Variants in DHTKD1 observed in about 807,000 individuals in gnomAD.
DHTKD1 encodes 2-oxoadipate dehydrogenase complex component E1.
A neutral mutation model predicts 101.8 loss-of-function variants in DHTKD1; 78 were observed. The observed-to-expected ratio is 0.77, with a 90% CI of 0.64 to 0.93. DHTKD1 has a LOEUF of 0.93. Among genes scored for constraint, DHTKD1 ranks in the 40% least tolerant of loss-of-function variants. The pLI, the probability that DHTKD1 is intolerant of heterozygous loss-of-function variation, is 0.00. For missense variants in DHTKD1, 1,223 were observed against 1,161.7 expected (o/e 1.05, Z -0.77); for synonymous variants, 462 against 450.3 (o/e 1.03, Z -0.33).
rs1334980027 is a variant in DHTKD1 at position 12,087,074 on chromosome 10, T to C, written c.523-461T>C. 6.6e-6 allele frequency among the ~76,000 whole-genome samples: 1 copy of C among 152,092 alleles called. No individual in the cohort carries two copies. Among genetic ancestry groups the C allele is most frequent in the East Asian group, 1.9e-4 (1 of 5,194 alleles). Reference sequence around the variant, plus strand: ...GATGACATGTGGAAGACAGGCTCAGTACAAATGAATGGAACTGAACCTCTG... The same window carrying C: ...GATGACATGTGGAAGACAGGCTCAGCACAAATGAATGGAACTGAACCTCTG... On this transcript the variant is annotated intron_variant, in intron 3 of 16. Transcript: ENST00000263035. The surrounding 1 kb of genome is among the most constrained non-coding windows in gnomAD (Gnocchi z 5.2).
In DHTKD1 at chr10:12,118,913, T is replaced by G; in HGVS notation, c.2567T>G (p.Val856Gly). 1 of 1,567,262 alleles carries G rather than the reference T, an allele frequency of 6.4e-7. No homozygotes were observed. Among genetic ancestry groups the G allele is most frequent in the South Asian group, 1.2e-5 (1 of 84,240 alleles). The change falls in exon 15 of 17, where the codon GTT becomes GGT. Residue 856 changes from valine (V) to glycine (G), a missense_variant. Coordinates refer to ENST00000263035, the MANE Select transcript of DHTKD1 (RefSeq NM_018706.7). ...CAAGAGATGAGCAAATACAAACATG[T>G]TAAAGGTAAGAGGTTGTTCTCATTT... Reference protein sequence around the residue: ...LQQEMSKYKHVKDHIWSQEEP... With the variant: ...LQQEMSKYKHGKDHIWSQEEP...
chr10:12,101,075 G>T lies in DHTKD1; in HGVS notation c.1790G>T (p.Gly597Val). The T allele has an allele frequency of 6.2e-7, 1 of 1,614,076 alleles. No homozygotes were observed. The highest frequency in any genetic ancestry group is 8.5e-7 in the Non-Finnish European group (1 of 1,180,020). Residue 597 changes from glycine (G) to valine (V), a missense_variant, in exon 10 of 17, where the codon GGT becomes GTT. By Grantham distance (109) the Gly-to-Val change is moderately radical. Transcript: ENST00000263035. Reference sequence around the variant, plus strand: ...GTTCGTCTAAGTGGCCAAGATGTTGGTCGTGGAACTTTCAGTCAGAGGCAT... The same window carrying T: ...GTTCGTCTAAGTGGCCAAGATGTTGTTCGTGGAACTTTCAGTCAGAGGCAT... ...FNVRLSGQDV[G>V]RGTFSQRHAI...
At position 12,107,383 on chromosome 10, in the gene DHTKD1, C is replaced by G. The variant is rs1833266281; in HGVS notation, c.2048-526C>G. Among the ~76,000 whole-genome samples, 1 of 151,974 alleles carries G rather than the reference C, an allele frequency of 6.6e-6. No individual in the cohort carries two copies. Among genetic ancestry groups the G allele is most frequent in the East Asian group, 1.9e-4 (1 of 5,168 alleles). ...GAACGTTCCCCTTTGAGTTTGTCTT[C>G]CACTCGTAAAAGCCCAGGGCCTGTG... On this transcript the variant is annotated intron_variant, in intron 11 of 16. Coordinates refer to ENST00000263035, the MANE Select transcript of DHTKD1 (RefSeq NM_018706.7). The surrounding 1 kb of genome is among the most constrained non-coding windows in gnomAD (Gnocchi z 4.1).
rs1833442586 is a variant in DHTKD1, at chr10:12,117,704, C to G, written c.2351C>G (p.Pro784Arg). The G allele has an allele frequency of 6.2e-7, 1 of 1,608,100 alleles. No individual in the cohort carries two copies. Among genetic ancestry groups the G allele is most frequent in the African/African-American group, 1.3e-5 (1 of 74,750 alleles). ...GTGTCAACTCTTCAAGAAATGGCAC[C>G]AGGAACAACATTTAACCCGGTCATT... ...AAVSTLQEMA[P>R]GTTFNPVIGD... The change falls in exon 14 of 17, where the codon CCA becomes CGA. Residue 784 changes from proline to arginine, a missense_variant. Transcript: ENST00000263035.
At chr10:12,080,603 C>T (rs1285001882) in intron 1 of DHTKD1, among the ~76,000 whole-genome samples, 5 of 151,148 alleles carry the variant, frequency 3.3e-5, no homozygotes, top group South Asian at 2.1e-4. Context: ...CCCAGTTACT[C>T]GGGAGGTTGA....
At chr10:12,090,426 TTTTTCC>T in intron 5 of DHTKD1, among the ~76,000 whole-genome samples, 2 of 14,268 alleles carry the variant, frequency 1.4e-4, no homozygotes, top group East Asian at 1.8e-3. Context: ...CCTTCCTTCC[TTTTTCC>T]TTCCTTCCTT....
At chr10:12,081,728 C>T in intron 2 of DHTKD1, 101 bp downstream of exon 2, 1 of 1,388,116 alleles carries the variant, frequency 7.2e-7, no homozygotes, top group African/African-American at 1.4e-5. Flanking sequence ...AGCTGAGGCT[C>T]CCGCAGGTGT....
intron 2 of DHTKD1, among the ~76,000 whole-genome samples, chr10:12,083,981 G>T (rs1034247456): frequency 6.6e-6 from 1 of 151,940 alleles, no homozygotes; most frequent in Non-Finnish European, 1.5e-5. Flanking sequence ...GGAGTGCAGT[G>T]GTGTGATCTC....
intron 1 of DHTKD1, among the ~76,000 whole-genome samples, chr10:12,076,798 A>G (rs1371141178): frequency 6.6e-6 from 1 of 151,954 alleles, no homozygotes; most frequent in Non-Finnish European, 1.5e-5. Context: ...AGCTGGGACT[A>G]CAGGTGCCCG....
intron 6 of DHTKD1, among the ~76,000 whole-genome samples, chr10:12,092,052 C>T (rs1009503430): frequency 3.3e-5 from 5 of 150,330 alleles, no homozygotes; most frequent in Non-Finnish European, 7.4e-5. Context: ...TACGTGATCT[C>T]GGCTTACTGC....
In DHTKD1 at chr10:12,120,941, C is replaced by T. The variant is rs763243728; in HGVS notation, c.*53C>T. 200 of 1,496,370 alleles carry T rather than the reference C, an allele frequency of 1.3e-4. No individual in the cohort carries two copies. The highest frequency in any genetic ancestry group is 1.8e-4 in the Non-Finnish European group (197 of 1,094,640). 92.7% of individuals were successfully genotyped at this position (1,496,370 alleles called of 1,614,324 possible). On this transcript the variant is annotated 3_prime_UTR_variant, in exon 17 of 17. Transcript: ENST00000263035. ...TCTTTAAGAAAATGGCCATTAAGGC[C>T]GGGTGGGGTGGCACATGCCTGTAAT...
chr10:12,079,395 T>C (rs1315978158), intron 1 of DHTKD1, among the ~76,000 whole-genome samples: 1 of 152,016 alleles, frequency 6.6e-6, no homozygotes, highest in Non-Finnish European at 1.5e-5. Flanking sequence ...AGGAGCTGGG[T>C]GCGGTGGCTC....
At chr10:12,069,290 CTGA>C in intron 1 of DHTKD1, 103 bp downstream of exon 1, 1 of 638,108 alleles carries the variant, frequency 1.6e-6, no homozygotes, top group Non-Finnish European at 2.2e-6. Context: ...GGCTGCCGGC[CTGA>C]ACGCGCGGCC....
In DHTKD1 at chr10:12,103,487, C is replaced by T. The variant is rs571485851; in HGVS notation, c.1896+2306C>T. On this transcript the variant is annotated intron_variant, in intron 10 of 16. Coordinates refer to ENST00000263035, the MANE Select transcript of DHTKD1 (RefSeq NM_018706.7). The surrounding 1 kb of genome is among the most constrained non-coding windows in gnomAD (Gnocchi z 4.8). ...TTTCCCCCAACTTCGTTGTACATCT[C>T]AATCTGTGTGTGTGTGTGTGTGTGT... Among the ~76,000 whole-genome samples the T allele has an allele frequency of 2.8e-3, 284 of 100,594 alleles. No individual in the cohort carries two copies. Among genetic ancestry groups the T allele is most frequent in the African/African-American group, 9.0e-3 (262 of 29,070 alleles). The allele number at this position is 100,594 out of a possible 152,430, so 66.0% of individuals were successfully genotyped here.
chr10:12,100,298 T>TTTTTTGTTTTTTTTTTTTTTTTG, intron 9 of DHTKD1, 36 bp downstream of exon 9: 1 of 910,852 alleles, frequency 1.1e-6, no homozygotes, highest in Non-Finnish European at 1.6e-6. Context: ...TTTTTTTTTT[T>TTTTTTGTTTTTTTTTTTTTTTTG]TTTGAGTCTC....
intron 10 of DHTKD1, among the ~76,000 whole-genome samples, chr10:12,101,655 G>C (rs1269492658): frequency 6.6e-6 from 1 of 152,030 alleles, no homozygotes; most frequent in Non-Finnish European, 1.5e-5. Context: ...CCAGGCTGGA[G>C]TGCAGTGGTG....
Position 12,088,996 on chromosome 10 carries a change from G to A in DHTKD1, c.728G>A (p.Arg243His), listed in dbSNP as rs781779430. The change falls in exon 5 of 17, where the codon CGT becomes CAT. Residue 243 changes from arginine to histidine, a missense_variant. By Grantham distance (29) the Arg-to-His change is conservative. Coordinates refer to ENST00000263035, the MANE Select transcript of DHTKD1 (RefSeq NM_018706.7). ...LLQFPPELMF[R>H]KMRGLSEFPE... is the part of the protein sequence containing the mutation. The stretch of plus-strand genomic sequence containing the variant: ...ATGTATCCACAATAGCTGATGTTCC[G>A]TAAAATGCGAGGCTTAAGTGAATTT... 44 of 1,613,178 alleles carry A rather than the reference G, an allele frequency of 2.7e-5. No homozygotes were observed. The highest frequency in any genetic ancestry group is 4.5e-5 in the East Asian group (2 of 44,880).
At chr10:12,093,326 G>A (rs1833020587) in intron 6 of DHTKD1, among the ~76,000 whole-genome samples, 1 of 152,170 alleles carries the variant, frequency 6.6e-6, no homozygotes, top group African/African-American at 2.4e-5. Flanking sequence ...TTATAGGCGT[G>A]AGCCACTGCA....
intron 15 of DHTKD1, among the ~76,000 whole-genome samples, chr10:12,119,190 CAGCTCCTTG>C (rs1833474142): frequency 6.6e-6 from 1 of 151,336 alleles, no homozygotes; most frequent in East Asian, 1.9e-4. Context: ...CCTGTAGTCC[CAGCTCCTTG>C]GGAGCCTGAG....
Sources: gnomAD v4.1 joint callset for allele counts (sites outside exome capture counted in the v4.1 genomes callset) on GRCh38, gnomAD v4.1.1 for gene constraint, Gnocchi (gnomAD v3.1) non-coding constraint, MANE v1.5 for transcripts, NCBI Gene and HGNC (gene_info 2026-07-23, HGNC 2026-07-21) for gene names.